The following GRM8 variants were observed in gnomAD, a reference collection of about 807,000 sequenced individuals.
The protein encoded by GRM8 is metabotropic glutamate receptor 8.
In GRM8, 47 loss-of-function variants were observed where a neutral mutation model predicts 87.2. The observed-to-expected ratio is 0.54, with a 90% confidence interval of 0.43 to 0.69. The LOEUF (loss-of-function observed/expected upper bound fraction) is 0.69, where lower values mean the gene tolerates loss of function less well. Among genes scored for constraint, GRM8 ranks in the 30% least tolerant of loss-of-function variants. The pLI is 0.00. For missense variants in GRM8, 1,019 were observed against 1,139.2 expected, an observed-to-expected ratio of 0.89 and a Z score of 1.52; for synonymous variants, 396 against 404.5, an observed-to-expected ratio of 0.98 and a Z score of 0.25.
At chr7:127,156,912 C>T (rs547739846) in intron 2 of GRM8, among the ~76,000 whole-genome samples, 5 of 152,004 alleles carry the variant, frequency 3.3e-5, no homozygotes, top group African/African-American at 1.2e-4. Flanking sequence ...AGAATGGATA[C>T]AACCAAACAA....
At chr7:126,501,431 C>T (rs1454840617) in intron 9 of GRM8, among the ~76,000 whole-genome samples, 1 of 151,880 alleles carries the variant, frequency 6.6e-6, no homozygotes, top group Non-Finnish European at 1.5e-5. Flanking sequence ...TGAGAAGAAC[C>T]AAGACTCCAA....
At chr7:126,964,322 T>C (rs367782044) in intron 3 of GRM8, among the ~76,000 whole-genome samples, 1 of 152,112 alleles carries the variant, frequency 6.6e-6, no homozygotes, top group Non-Finnish European at 1.5e-5. Flanking sequence ...AAATGAGATC[T>C]AATTAAAGAG....
intron 6 of GRM8, among the ~76,000 whole-genome samples, chr7:126,863,778 T>A (rs989322192): frequency 6.6e-6 from 1 of 152,138 alleles, no homozygotes; most frequent in Non-Finnish European, 1.5e-5. Context: ...GATAGATTCA[T>A]CTTATTTTGT....
At chr7:127,213,071 A>G (rs1214254983) in intron 2 of GRM8, among the ~76,000 whole-genome samples, 1 of 152,216 alleles carries the variant, frequency 6.6e-6, no homozygotes, top group Non-Finnish European at 1.5e-5. Flanking sequence ...GTACCGAGGG[A>G]TATGAATGTG....
At chr7:126,810,644 A>T (rs1793201679) in intron 6 of GRM8, among the ~76,000 whole-genome samples, 2 of 151,986 alleles carry the variant, frequency 1.3e-5, no homozygotes, top group East Asian at 3.9e-4. Flanking sequence ...TCCCTCCCAC[A>T]TTACTAAAAT....
intron 8 of GRM8, among the ~76,000 whole-genome samples, chr7:126,578,561 AC>A (rs897229221): frequency 6.6e-6 from 1 of 152,138 alleles, no homozygotes; most frequent in African/African-American, 2.4e-5. Context: ...CTTCCACTCA[AC>A]ATTTAGAGAG....
intron 8 of GRM8, among the ~76,000 whole-genome samples, chr7:126,573,597 T>A (rs1380924795): frequency 6.6e-6 from 1 of 152,058 alleles, no homozygotes; most frequent in Non-Finnish European, 1.5e-5. Flanking sequence ...TTAATTTTTT[T>A]TTTTTGAGAC....
At chr7:127,123,357 C>G (rs1364609894) in intron 2 of GRM8, among the ~76,000 whole-genome samples, 1 of 152,098 alleles carries the variant, frequency 6.6e-6, no homozygotes, top group East Asian at 1.9e-4. Context: ...TGGGGGGAAT[C>G]CTTCCTGAAT....
At position 126,446,366 on chromosome 7, in the gene GRM8, T is replaced by A. The variant is rs761256362; in HGVS notation, c.2437A>T (p.Ile813Phe). Residue 813 changes from isoleucine to phenylalanine, a missense_variant, in exon 10 of 11, where the codon ATC (isoleucine) becomes TTC (phenylalanine). Ile to Phe is a conservative substitution (Grantham distance 21). Coordinates refer to ENST00000339582, the MANE Select transcript of GRM8 (RefSeq NM_000845.3). ...GAGACAGTAAGTGTTGTTGTCTGGA[T>A]GTACATCTGAGGGAAGAAAAAAAAA... ...GTAQSAEKMY[I>F]QTTTLTVSMS... 6.3e-7 allele frequency: 1 copy of A among 1,597,832 alleles called. No individual in the cohort carries two copies. The highest frequency in any genetic ancestry group is 8.6e-7 in the Non-Finnish European group (1 of 1,169,446).
intron 2 of GRM8, among the ~76,000 whole-genome samples, chr7:127,206,790 T>G (rs1026150899): frequency 1.3e-5 from 2 of 152,196 alleles, no homozygotes; most frequent in Non-Finnish European, 2.9e-5. Flanking sequence ...GCAAAAACAC[T>G]AAAGAGATTG....
At chr7:127,246,434 C>T (rs1394087266) in intron 1 of GRM8, among the ~76,000 whole-genome samples, 3 of 152,238 alleles carry the variant, frequency 2.0e-5, no homozygotes. Flanking sequence ...CTGTGCTGGA[C>T]TGTTTCAAGG....
At chr7:126,782,330 T>C (rs779521294) in intron 6 of GRM8, among the ~76,000 whole-genome samples, 1 of 152,194 alleles carries the variant, frequency 6.6e-6, no homozygotes, top group Non-Finnish European at 1.5e-5. Context: ...CCAGGTCTGA[T>C]AACCTGTGAA....
At chr7:126,507,151 A>T (rs1466275361) in intron 9 of GRM8, among the ~76,000 whole-genome samples, 2 of 151,748 alleles carry the variant, frequency 1.3e-5, no homozygotes, top group Non-Finnish European at 2.9e-5. Context: ...AAGCCTTCCA[A>T]ATCACCTACA....
At chr7:127,250,039 G>C (rs767439204) in intron 1 of GRM8, among the ~76,000 whole-genome samples, 4 of 152,204 alleles carry the variant, frequency 2.6e-5, no homozygotes, top group Non-Finnish European at 4.4e-5. Flanking sequence ...ACCTGAGAAA[G>C]GTGGTAGGAA....
chr7:127,087,751 T>C (rs1823659755), intron 3 of GRM8, among the ~76,000 whole-genome samples: 3 of 152,334 alleles, frequency 2.0e-5, no homozygotes, highest in Admixed American at 2.0e-4. Flanking sequence ...AGCTTATGTT[T>C]AAGACTTTTT....
chr7:126,811,888 A>G (rs933288763), intron 6 of GRM8, among the ~76,000 whole-genome samples: 3 of 151,986 alleles, frequency 2.0e-5, no homozygotes, highest in African/African-American at 7.2e-5. Flanking sequence ...TAGGACCTCC[A>G]GTACTATATT....
intron 2 of GRM8, among the ~76,000 whole-genome samples, chr7:127,116,848 T>C (rs1826727843): frequency 6.6e-6 from 1 of 152,214 alleles, no homozygotes; most frequent in African/African-American, 2.4e-5. Flanking sequence ...CTCCCATGCA[T>C]ATTACAAATA....
intron 3 of GRM8, among the ~76,000 whole-genome samples, chr7:126,911,668 G>C (rs534804325): frequency 1.3e-5 from 2 of 152,298 alleles, no homozygotes; most frequent in African/African-American, 4.8e-5. Flanking sequence ...CAGGGCTCAG[G>C]GGAAGCAGAG....
chr7:126,493,795 G>T (rs1348249768), intron 9 of GRM8, among the ~76,000 whole-genome samples: 1 of 151,958 alleles, frequency 6.6e-6, no homozygotes, highest in Admixed American at 6.6e-5. Flanking sequence ...TCCCTAATCT[G>T]TCTTTTACCC....
Sources: gnomAD v4.1 joint callset for allele counts (sites outside exome capture counted in the v4.1 genomes callset) on GRCh38, gnomAD v4.1.1 for gene constraint, MANE v1.5 for transcripts, NCBI Gene and HGNC (gene_info 2026-07-23, HGNC 2026-07-21) for gene names.